The following ADAMTS12 variants were observed in gnomAD, a reference collection of about 807,000 sequenced individuals.
ADAMTS12 encodes A disintegrin and metalloproteinase with thrombospondin motifs 12.
In ADAMTS12, 118 loss-of-function variants were observed where a neutral mutation model predicts 167.8. That is an observed-to-expected ratio of 0.70 (90% CI 0.61 to 0.82). ADAMTS12 has a LOEUF of 0.82. Ranked by LOEUF, ADAMTS12 falls within the 40% of genes least tolerant of loss-of-function variation. The pLI is 0.00. For missense variants in ADAMTS12, 1,916 were observed against 1,998.8 expected (o/e 0.96, Z 0.79); for synonymous variants, 704 against 716.9 (o/e 0.98, Z 0.29).
At chr5:33,753,925 T>C (rs1029275717) in intron 2 of ADAMTS12, among the ~76,000 whole-genome samples, 5 of 152,044 alleles carry the variant, frequency 3.3e-5, no homozygotes, top group African/African-American at 1.2e-4. Context: ...TCTGCTGACA[T>C]GCAAGTAGGC....
At chr5:33,797,595 C>A (rs1380222075) in intron 2 of ADAMTS12, among the ~76,000 whole-genome samples, 1 of 152,026 alleles carries the variant, frequency 6.6e-6, no homozygotes, top group African/African-American at 2.4e-5. Flanking sequence ...AGGTTCCCCA[C>A]AGAGAAATTC....
intron 22 of ADAMTS12, among the ~76,000 whole-genome samples, chr5:33,539,610 TGG>T (rs530939610): frequency 1.6e-3 from 237 of 152,300 alleles, no homozygotes; most frequent in Middle Eastern, 0.01. Flanking sequence ...ACAGCAGCCG[TGG>T]GTCAACTTTT....
chr5:33,614,051 C>T (rs1029813623), intron 16 of ADAMTS12, among the ~76,000 whole-genome samples, 187 bp downstream of exon 16: 7 of 152,156 alleles, frequency 4.6e-5, no homozygotes, highest in African/African-American at 1.7e-4. Context: ...GTATATAGAG[C>T]TGATAAAAGA....
intron 1 of ADAMTS12, among the ~76,000 whole-genome samples, chr5:33,887,230 C>T (rs1352751775): frequency 2.0e-5 from 3 of 152,044 alleles, no homozygotes; most frequent in Non-Finnish European, 2.9e-5. Flanking sequence ...AAGAGTATGC[C>T]GGCTTGGTCT....
intron 22 of ADAMTS12, among the ~76,000 whole-genome samples, chr5:33,544,524 A>G (rs1007655858): frequency 1.3e-5 from 2 of 152,180 alleles, no homozygotes; most frequent in Non-Finnish European, 2.9e-5. Context: ...TAAAGTTCAT[A>G]TGGAACCAAA....
intron 12 of ADAMTS12, among the ~76,000 whole-genome samples, chr5:33,636,324 T>C (rs1226733844): frequency 6.6e-6 from 1 of 152,194 alleles, no homozygotes; most frequent in Non-Finnish European, 1.5e-5. Context: ...GCGCAGGATA[T>C]ACACATAGAT....
At chr5:33,621,029 T>C (rs1435409380) in intron 14 of ADAMTS12, among the ~76,000 whole-genome samples, 1 of 152,112 alleles carries the variant, frequency 6.6e-6, no homozygotes, top group African/African-American at 2.4e-5. Flanking sequence ...AGGAGGAACA[T>C]AATTTTGACC....
At chr5:33,704,612 G>A (rs913667206) in intron 3 of ADAMTS12, among the ~76,000 whole-genome samples, 4 of 152,032 alleles carry the variant, frequency 2.6e-5, no homozygotes, top group Admixed American at 2.0e-4. Flanking sequence ...AGTTGATCCC[G>A]TTTTCATATA....
chr5:33,793,880 C>T (rs28495195), intron 2 of ADAMTS12, among the ~76,000 whole-genome samples: 1 of 152,148 alleles, frequency 6.6e-6, no homozygotes, highest in Non-Finnish European at 1.5e-5. Flanking sequence ...GTTCTTCCCC[C>T]CTCCCCGCCT....
intron 2 of ADAMTS12, among the ~76,000 whole-genome samples, chr5:33,793,386 T>G (rs1321885215): frequency 6.6e-6 from 1 of 152,184 alleles, no homozygotes; most frequent in African/African-American, 2.4e-5. Context: ...ATAAACTTTA[T>G]TTTTTTGATT....
At chr5:33,863,400 T>C (rs376375467) in intron 2 of ADAMTS12, among the ~76,000 whole-genome samples, 192 of 152,146 alleles carry the variant, frequency 1.3e-3, no homozygotes, top group Middle Eastern at 6.8e-3. Flanking sequence ...ACATCCATAA[T>C]AGGCAAACAG....
At chr5:33,881,538 A>G in intron 1 of ADAMTS12, 58 bp from the exon 2 acceptor site, 2 of 1,542,218 alleles carry the variant, frequency 1.3e-6, no homozygotes, top group African/African-American at 1.4e-5. Flanking sequence ...AAGCAAAGCC[A>G]CTTTCGTTTG....
Position 33,723,166 on chromosome 5 carries a change from A to C in ADAMTS12, c.634+28238T>G, listed in dbSNP as rs115118564. Among the ~76,000 whole-genome samples the C allele has an allele frequency of 2.5e-3, 379 of 152,212 alleles. 3 individuals carry two copies. Among genetic ancestry groups the C allele is most frequent in the African/African-American group, 8.7e-3 (361 of 41,524 alleles). On this transcript the variant is annotated intron_variant, in intron 3 of 23. Transcript: ENST00000504830. ...CCTCCTATGCCCTCAGCCTGGGCTAATACCTCCCCTCCCCATTTTACTGTC... is the reference window on the plus strand; with the variant it reads ...CCTCCTATGCCCTCAGCCTGGGCTACTACCTCCCCTCCCCATTTTACTGTC...
At chr5:33,821,159 T>C (rs190353046) in intron 2 of ADAMTS12, among the ~76,000 whole-genome samples, 3 of 152,198 alleles carry the variant, frequency 2.0e-5, no homozygotes, top group Non-Finnish European at 4.4e-5. Flanking sequence ...TCATCTCACA[T>C]GATCATAACA....
chr5:33,610,563 A>G (rs1045377858), intron 16 of ADAMTS12, among the ~76,000 whole-genome samples: 4 of 152,194 alleles, frequency 2.6e-5, no homozygotes, highest in Non-Finnish European at 2.9e-5. Context: ...ATGAGTTCAC[A>G]GATTTACTCC....
chr5:33,640,858 T>C (rs1306462320), intron 11 of ADAMTS12, among the ~76,000 whole-genome samples: 2 of 148,522 alleles, frequency 1.3e-5, no homozygotes, highest in African/African-American at 5.1e-5. Flanking sequence ...TACATGCATA[T>C]ATATTCATAT....
At chr5:33,771,314 G>A (rs1354021871) in intron 2 of ADAMTS12, among the ~76,000 whole-genome samples, 5 of 152,120 alleles carry the variant, frequency 3.3e-5, no homozygotes, top group Non-Finnish European at 5.9e-5. Flanking sequence ...ATTACAATGG[G>A]TTTGGAAGGA....
chr5:33,889,165 G>A (rs957268654), intron 1 of ADAMTS12, among the ~76,000 whole-genome samples: 6 of 152,040 alleles, frequency 3.9e-5, no homozygotes, highest in African/African-American at 1.4e-4. Context: ...AGTAAAAATG[G>A]GGGCGAGGCA....
At chr5:33,649,430 T>G (rs1017962980) in intron 8 of ADAMTS12, 124 bp downstream of exon 8, 4 of 1,251,418 alleles carry the variant, frequency 3.2e-6, no homozygotes, top group African/African-American at 1.5e-5. Context: ...GATGCCACCC[T>G]GACATGGTGG....
Sources: allele counts gnomAD v4.1 joint callset (sites outside exome capture counted in the v4.1 genomes callset), GRCh38; gene constraint gnomAD v4.1.1; transcripts MANE v1.5; gene names NCBI Gene and HGNC (gene_info 2026-07-23, HGNC 2026-07-21).